ZSWIM3: variants seen among roughly 807,000 people sequenced by gnomAD.
ZSWIM3 encodes zinc finger SWIM domain-containing protein 3.
A neutral mutation model predicts 47.5 loss-of-function variants in ZSWIM3; 27 were observed. That is an observed-to-expected ratio of 0.57 (90% CI 0.42 to 0.78). The LOEUF is 0.78. Among genes scored for constraint, ZSWIM3 ranks in the 30% least tolerant of loss-of-function variants. ZSWIM3 has a pLI of 0.00. For synonymous variants in ZSWIM3, 333 were observed against 333.9 expected (o/e 1.00, Z 0.03); for missense variants, 689 against 861.3 (o/e 0.80, Z 2.50).
At chr20:45,868,164 G>A (rs547185462) in intron 1 of ZSWIM3, among the ~76,000 whole-genome samples, 1 of 152,290 alleles carries the variant, frequency 6.6e-6, no homozygotes, top group East Asian at 1.9e-4. Flanking sequence ...AGACTGAAAT[G>A]GCACATCTCC....
At chr20:45,862,381 G>A (rs11907982) in intron 1 of ZSWIM3, among the ~76,000 whole-genome samples, 65,986 of 151,578 alleles carry the variant, frequency 0.44, 16,949 homozygotes, top group Admixed American at 0.56. Flanking sequence ...CTCCTGACCC[G>A]GTGATCCACC....
At position 45,877,739 on chromosome 20, in the gene ZSWIM3, G is replaced by T; in HGVS notation, c.1181G>T (p.Ser394Ile). 2 of 1,614,078 alleles carry T rather than the reference G, an allele frequency of 1.2e-6. No homozygotes were observed. Among genetic ancestry groups the T allele is most frequent in the Non-Finnish European group, 1.7e-6 (2 of 1,179,954 alleles). ...GLLACNTYMD[S>I]LDIVTSKVSS... Reference sequence around the variant, plus strand: ...CTTGCGTGTAACACCTACATGGACAGCCTAGACATTGTCACCAGCAAGGTG... The same window carrying T: ...CTTGCGTGTAACACCTACATGGACATCCTAGACATTGTCACCAGCAAGGTG... The change falls in exon 2 of 2, where the codon AGC (serine) becomes ATC (isoleucine). Residue 394 changes from serine (S) to isoleucine (I), a missense_variant. Transcript: ENST00000255152.
Position 45,877,180 on chromosome 20 carries a change from A to G in ZSWIM3, c.622A>G (p.Ser208Gly), listed in dbSNP as rs1218809808. Residue 208 changes from serine (S) to glycine (G), a missense_variant, in exon 2 of 2, where the codon AGT (serine) becomes GGT (glycine). By Grantham distance (56) the Ser-to-Gly change is moderately conservative (BLOSUM62 0). Coordinates refer to ENST00000255152, the MANE Select transcript of ZSWIM3 (RefSeq NM_080752.4). Reference protein sequence around the residue: ...QHLDRLSFQSSKMTDLFIRFP... With the variant: ...QHLDRLSFQSGKMTDLFIRFP... ...CCTGGACCGGCTCAGCTTCCAGAGC[A>G]GTAAGATGACCGACCTGTTCATCCG... 1 of 1,614,154 alleles carries G rather than the reference A, an allele frequency of 6.2e-7. No individual in the cohort carries two copies. The highest frequency in any genetic ancestry group is 1.7e-5 in the Admixed American group (1 of 60,012).
chr20:45,878,701 G>C lies in ZSWIM3; in HGVS notation c.*52G>C. The stretch of plus-strand genomic sequence containing the variant: ...CAAACACTTCTCCTTGGAAGTGTGA[G>C]AGTTTAAAGTGGGCAGGACATACTA... On this transcript the variant is annotated 3_prime_UTR_variant, in exon 2 of 2. Transcript: ENST00000255152. 6 of 1,553,420 alleles carry C rather than the reference G, an allele frequency of 3.9e-6. No individual in the cohort carries two copies. Among genetic ancestry groups the C allele is most frequent in the Non-Finnish European group, 5.2e-6 (6 of 1,149,018 alleles).
chr20:45,875,563 G>A (rs1327599660), intron 1 of ZSWIM3, among the ~76,000 whole-genome samples: 2 of 151,742 alleles, frequency 1.3e-5, no homozygotes, highest in East Asian at 2.0e-4. Context: ...GTACAATAGC[G>A]TGATCTCGGC....
At chr20:45,866,911 T>C (rs1985856730) in intron 1 of ZSWIM3, among the ~76,000 whole-genome samples, 1 of 151,950 alleles carries the variant, frequency 6.6e-6, no homozygotes, top group African/African-American at 2.4e-5. Flanking sequence ...GTGGTAGTTA[T>C]TTGAAAGAGA....
intron 1 of ZSWIM3, among the ~76,000 whole-genome samples, chr20:45,868,162 A>G (rs1378319818): frequency 6.6e-6 from 1 of 152,222 alleles, no homozygotes; most frequent in Non-Finnish European, 1.5e-5. Context: ...GTAGACTGAA[A>G]TGGCACATCT....
intron 1 of ZSWIM3, among the ~76,000 whole-genome samples, chr20:45,870,056 AAAAAAAAG>A (rs1208133234): frequency 1.3e-5 from 2 of 149,706 alleles, no homozygotes; most frequent in South Asian, 2.1e-4. Context: ...GAAAAAAAAA[AAAAAAAAG>A]AAAAGGCCAA....
rs1317346832 is a variant in ZSWIM3 at position 45,862,509 on chromosome 20, TG to T, written c.155+4530del. On this transcript the variant is annotated intron_variant, in intron 1 of 1. Transcript: ENST00000255152. Reference sequence around the variant, plus strand: ...TATTTACTTACTTACTTACTTATTTTGAGATGGAGTCTTGCTCTGTCACCCA... The same window carrying T: ...TATTTACTTACTTACTTACTTATTTTAGATGGAGTCTTGCTCTGTCACCCA... 2.0e-5 allele frequency among the ~76,000 whole-genome samples: 3 copies of T among 150,576 alleles called. No homozygotes were observed. The East Asian group carries it at 5.9e-4, about 30-fold the overall frequency.
At chr20:45,866,381 C>T (rs1297471365) in intron 1 of ZSWIM3, among the ~76,000 whole-genome samples, 5 of 152,112 alleles carry the variant, frequency 3.3e-5, no homozygotes, top group Non-Finnish European at 7.4e-5. Context: ...TCTTTTTCTA[C>T]AAAACTGGCC....
chr20:45,866,234 G>T (rs895982206), intron 1 of ZSWIM3, among the ~76,000 whole-genome samples: 2 of 151,968 alleles, frequency 1.3e-5, no homozygotes, highest in East Asian at 1.9e-4. Flanking sequence ...CCCGGCAGAG[G>T]TTGCAGTGAG....
chr20:45,868,420 A>ATT (rs10656048), intron 1 of ZSWIM3, among the ~76,000 whole-genome samples: 76,239 of 150,342 alleles, frequency 0.51, 20,159 homozygotes, highest in Admixed American at 0.61. Context: ...GTGTTTGGGA[A>ATT]TTTTTTTTTT....
rs141330078 is a variant in ZSWIM3, at chr20:45,876,125, C to T, written c.156-589C>T. 1.4e-4 allele frequency among the ~76,000 whole-genome samples: 22 copies of T among 152,200 alleles called. No individual in the cohort carries two copies. The East Asian group carries it at 4.2e-3, about 29-fold the overall frequency. ...TGGCGCGATCTCAGCTCACTGCAGC[C>T]TCCGCCTCCCGGGTTCAAGCGATTC... On this transcript the variant is annotated intron_variant, in intron 1 of 1. Transcript: ENST00000255152.
intron 1 of ZSWIM3, among the ~76,000 whole-genome samples, chr20:45,870,518 C>A (rs1327147567): frequency 6.6e-6 from 1 of 152,066 alleles, no homozygotes; most frequent in Non-Finnish European, 1.5e-5. Flanking sequence ...AAAGAAGGGA[C>A]AAAGGTTGTT....
Position 45,877,882 on chromosome 20 carries a change from A to G in ZSWIM3, c.1324A>G (p.Lys442Glu), listed in dbSNP as rs754826290. The G allele has an allele frequency of 6.2e-7, 1 of 1,614,122 alleles. No individual in the cohort carries two copies. The highest frequency in any genetic ancestry group is 8.5e-7 in the Non-Finnish European group (1 of 1,180,034). Reference protein sequence around the residue: ...KNLPTPPPKLKRARPASMPLK... With the variant: ...KNLPTPPPKLERARPASMPLK... ...CTTGCCCACACCTCCTCCCAAATTA[A>G]AGAGAGCTCGGCCGGCAAGCATGCC... The change falls in exon 2 of 2, where the codon AAG becomes GAG. Residue 442 changes from lysine (K) to glutamate (E), a missense_variant. Transcript: ENST00000255152.
At chr20:45,871,949 G>A (rs1233550347) in intron 1 of ZSWIM3, among the ~76,000 whole-genome samples, 2 of 152,072 alleles carry the variant, frequency 1.3e-5, no homozygotes, top group Non-Finnish European at 2.9e-5. Context: ...GTCAAGATGA[G>A]GAGGGTAAAA....
At position 45,878,808 on chromosome 20, in the gene ZSWIM3, G is replaced by GAC; in HGVS notation, c.*161_*162dup. ...AGAGAGGAAGGGAACTCCACTGTGT[G>GAC]ACAGTCCTTTCAATCTGCCCCTTTT... On this transcript the variant is annotated 3_prime_UTR_variant, in exon 2 of 2. Coordinates refer to ENST00000255152, the MANE Select transcript of ZSWIM3 (RefSeq NM_080752.4). 1.0e-6 allele frequency: 1 copy of GAC among 961,262 alleles called. No homozygotes were observed. The highest frequency in any genetic ancestry group is 1.5e-6 in the Non-Finnish European group (1 of 675,818). The allele number at this position is 961,262 out of a possible 1,614,324, so 59.5% of individuals were successfully genotyped here.
At chr20:45,860,669 C>A (rs963047551) in intron 1 of ZSWIM3, among the ~76,000 whole-genome samples, 5 of 152,174 alleles carry the variant, frequency 3.3e-5, no homozygotes, top group African/African-American at 1.2e-4. Context: ...CTTCTGTCAT[C>A]ACGTCTCTGA....
At chr20:45,864,243 G>A (rs6073933) in intron 1 of ZSWIM3, among the ~76,000 whole-genome samples, 2 of 152,172 alleles carry the variant, frequency 1.3e-5, no homozygotes, top group African/African-American at 4.8e-5. Flanking sequence ...AGATAGCTTA[G>A]GAGGCGGTGA....
Sources: gnomAD v4.1 joint callset for allele counts (sites outside exome capture counted in the v4.1 genomes callset) on GRCh38, gnomAD v4.1.1 for gene constraint, MANE v1.5 for transcripts, NCBI Gene and HGNC (gene_info 2026-07-23, HGNC 2026-07-21) for gene names.